The following SDHC variants were observed in gnomAD, a reference collection of about 807,000 sequenced individuals.
SDHC encodes succinate dehydrogenase cytochrome b560 subunit, mitochondrial.
SDHC carries 11 observed loss-of-function variants against 22.6 expected under a neutral mutation model. The observed-to-expected ratio is 0.49, with a 90% CI of 0.31 to 0.81. The LOEUF is 0.81. Among genes scored for constraint, SDHC ranks in the 30% least tolerant of loss-of-function variants. The pLI is 0.05. For synonymous variants in SDHC, 80 were observed against 77.8 expected, an observed-to-expected ratio of 1.03 and a Z score of -0.15; for missense variants, 160 against 212.0, an observed-to-expected ratio of 0.75 and a Z score of 1.52.
At chr1:161,329,297 G>A (rs1405519243) in intron 3 of SDHC, among the ~76,000 whole-genome samples, 1 of 151,968 alleles carries the variant, frequency 6.6e-6, no homozygotes, top group African/African-American at 2.4e-5. Flanking sequence ...CAATGATGAT[G>A]ATATCCAAGT....
chr1:161,336,648 G>A (rs1558172003), intron 3 of SDHC, among the ~76,000 whole-genome samples: 1 of 151,982 alleles, frequency 6.6e-6, no homozygotes, highest in African/African-American at 2.4e-5. Context: ...TACTTGGGGG[G>A]AAAAAAGCAG....
At chr1:161,325,760 G>A (rs1001142243) in intron 2 of SDHC, among the ~76,000 whole-genome samples, 2 of 152,214 alleles carry the variant, frequency 1.3e-5, no homozygotes, top group Admixed American at 1.3e-4. Flanking sequence ...AAAGCCAGAT[G>A]AGAGCAGATG....
chr1:161,317,389 TA>T (rs1165490463), intron 1 of SDHC, among the ~76,000 whole-genome samples: 4 of 152,084 alleles, frequency 2.6e-5, no homozygotes, highest in South Asian at 2.1e-4. Context: ...AATTGGCAAA[TA>T]AAAATTGTAT....
chr1:161,355,972 G>A (rs1672252936), intron 4 of SDHC, among the ~76,000 whole-genome samples: 1 of 139,732 alleles, frequency 7.2e-6, no homozygotes, highest in Non-Finnish European at 1.5e-5. Flanking sequence ...GCAACAGAGC[G>A]AGACTCTGTC....
chr1:161,314,586 TC>T (rs984950115), intron 1 of SDHC, 161 bp downstream of exon 1: 27 of 799,572 alleles, frequency 3.4e-5, no homozygotes, highest in Admixed American at 4.4e-5. Context: ...CCTTTTCCCG[TC>T]CCCCCCAGCC....
chr1:161,337,978 A>G (rs1044207652), intron 3 of SDHC, among the ~76,000 whole-genome samples: 3 of 152,260 alleles, frequency 2.0e-5, no homozygotes, highest in Non-Finnish European at 2.9e-5. Context: ...ATCAATTAGC[A>G]TAAAATTGTT....
chr1:161,331,856 A>G (rs1055146017), intron 3 of SDHC, among the ~76,000 whole-genome samples: 2 of 152,108 alleles, frequency 1.3e-5, no homozygotes, highest in African/African-American at 4.8e-5. Context: ...TGGCCTCCCA[A>G]AGTGCTGGGA....
chr1:161,354,929 T>C (rs1052727289), intron 4 of SDHC, among the ~76,000 whole-genome samples: 2 of 152,104 alleles, frequency 1.3e-5, no homozygotes, highest in African/African-American at 2.4e-5. Context: ...AGGCTGGTCT[T>C]GAACTCCTCA....
chr1:161,342,455 A>C (rs1381736752), intron 4 of SDHC, among the ~76,000 whole-genome samples: 1 of 152,068 alleles, frequency 6.6e-6, no homozygotes, highest in Non-Finnish European at 1.5e-5. Context: ...ACAGTGTGTA[A>C]ATCCCTGCTG....
At chr1:161,357,410 A>AT (rs1476919168) in intron 5 of SDHC, among the ~76,000 whole-genome samples, 4 of 151,586 alleles carry the variant, frequency 2.6e-5, no homozygotes, top group African/African-American at 9.7e-5. Flanking sequence ...ATTTAATTTT[A>AT]TTTTTTGAGA....
At chr1:161,360,520 C>A (rs1327073116) in intron 5 of SDHC, among the ~76,000 whole-genome samples, 1 of 148,752 alleles carries the variant, frequency 6.7e-6, no homozygotes, top group African/African-American at 2.5e-5. Flanking sequence ...TGTGCCACTG[C>A]ACTCCAGCCT....
chr1:161,357,555 A>G (rs1228917277), intron 5 of SDHC, among the ~76,000 whole-genome samples: 2 of 145,646 alleles, frequency 1.4e-5, no homozygotes, highest in African/African-American at 5.3e-5. Flanking sequence ...GCCTCCCACC[A>G]CGCCCGGCTA....
intron 3 of SDHC, 21 bp downstream of exon 3, chr1:161,328,518 C>T: frequency 6.6e-7 from 1 of 1,522,538 alleles, no homozygotes; most frequent in Non-Finnish European, 9.1e-7. Flanking sequence ...ATTCTGGAGC[C>T]AGAGAATCTA....
At chr1:161,328,633 G>C in intron 3 of SDHC, 136 bp downstream of exon 3, 1 of 695,062 alleles carries the variant, frequency 1.4e-6, no homozygotes, top group Non-Finnish European at 2.6e-6. Flanking sequence ...GAACCCTTCA[G>C]GGTAGAGGGA....
chr1:161,351,260 A>G (rs543561283), intron 4 of SDHC, among the ~76,000 whole-genome samples: 18 of 152,256 alleles, frequency 1.2e-4, no homozygotes, highest in African/African-American at 4.1e-4. Context: ...TTTGCCATCT[A>G]TCTTCTATAC....
At chr1:161,339,128 G>A (rs1470122887) in intron 3 of SDHC, among the ~76,000 whole-genome samples, 2 of 152,076 alleles carry the variant, frequency 1.3e-5, no homozygotes, top group Non-Finnish European at 2.9e-5. Context: ...GATTACAGGC[G>A]TGAGCCACCG....
chr1:161,345,966 C>T (rs1018309647), intron 4 of SDHC, among the ~76,000 whole-genome samples: 3 of 151,644 alleles, frequency 2.0e-5, no homozygotes, highest in Non-Finnish European at 2.9e-5. Context: ...CTACCATGCA[C>T]GGCTAATGTT....
chr1:161,328,543 A>G (rs748731146), intron 3 of SDHC, 46 bp downstream of exon 3: 7 of 1,342,130 alleles, frequency 5.2e-6, no homozygotes, highest in Admixed American at 3.4e-5. Context: ...TAGTGGGTGA[A>G]AGTTCTGAAG....
chr1:161,349,289 C>A (rs1672020127), intron 4 of SDHC, among the ~76,000 whole-genome samples: 1 of 151,912 alleles, frequency 6.6e-6, no homozygotes. Context: ...ATGGCGAAAT[C>A]CCATCTCTAC....
Sources: gnomAD v4.1 joint callset for allele counts (sites outside exome capture counted in the v4.1 genomes callset) on GRCh38, gnomAD v4.1.1 for gene constraint, MANE v1.5 for transcripts, NCBI Gene and HGNC (gene_info 2026-07-23, HGNC 2026-07-21) for gene names.